Variants in PTPRN2 observed in about 807,000 individuals in gnomAD.
PTPRN2 encodes receptor-type tyrosine-protein phosphatase N2.
A neutral mutation model predicts 118.8 loss-of-function variants in PTPRN2; 74 were observed. The observed-to-expected ratio is 0.62, with a 90% CI of 0.52 to 0.76. The LOEUF (loss-of-function observed/expected upper bound fraction) is 0.76, where lower values mean the gene tolerates loss of function less well. Among genes scored for constraint, PTPRN2 ranks in the 30% least tolerant of loss-of-function variants. PTPRN2 has a pLI of 0.00. For synonymous variants in PTPRN2, 641 were observed against 608.0 expected (o/e 1.05, Z -0.80); for missense variants, 1,481 against 1,394.4 (o/e 1.06, Z -0.99).
chr7:157,844,442 A>T (rs1159940916), intron 12 of PTPRN2, among the ~76,000 whole-genome samples: 23 of 152,174 alleles, frequency 1.5e-4, no homozygotes. Context: ...ACTAGAGCTG[A>T]AATTCGAGGA....
intron 11 of PTPRN2, among the ~76,000 whole-genome samples, chr7:158,009,929 C>T (rs1805917881): frequency 6.6e-6 from 1 of 152,184 alleles, no homozygotes; most frequent in Non-Finnish European, 1.5e-5. Flanking sequence ...CCCATGCCAT[C>T]CTGCCCCACC....
intron 11 of PTPRN2, among the ~76,000 whole-genome samples, chr7:157,904,477 C>T (rs1797648770): frequency 6.6e-6 from 1 of 152,220 alleles, no homozygotes; most frequent in African/African-American, 2.4e-5. Flanking sequence ...GAAACTCCAC[C>T]ATCCTCTGGA....
intron 3 of PTPRN2, among the ~76,000 whole-genome samples, chr7:158,282,457 G>A (rs1196711594): frequency 1.3e-5 from 2 of 152,174 alleles, no homozygotes; most frequent in Admixed American, 6.5e-5. Flanking sequence ...CAGGAGTCTG[G>A]CCTGGCTCAG....
At chr7:157,783,437 A>AACATGCGAAC (rs1803809298) in intron 12 of PTPRN2, among the ~76,000 whole-genome samples, 1 of 150,900 alleles carries the variant, frequency 6.6e-6, no homozygotes, top group Non-Finnish European at 1.5e-5. Context: ...CGCATGTCTG[A>AACATGCGAAC]GCCTGATGTT....
At chr7:157,830,047 C>G (rs1032666122) in intron 12 of PTPRN2, among the ~76,000 whole-genome samples, 4 of 151,834 alleles carry the variant, frequency 2.6e-5, no homozygotes, top group Admixed American at 2.0e-4. Context: ...GTTACCACCC[C>G]CTCCTGCCCC....
chr7:158,347,900 G>C (rs910655960), intron 2 of PTPRN2, among the ~76,000 whole-genome samples: 1 of 152,184 alleles, frequency 6.6e-6, no homozygotes, highest in African/African-American at 2.4e-5. Flanking sequence ...CATGGAGGTT[G>C]TGGCATTTGC....
At chr7:158,307,718 C>G (rs1252498367) in intron 3 of PTPRN2, among the ~76,000 whole-genome samples, 1 of 152,176 alleles carries the variant, frequency 6.6e-6, no homozygotes, top group Non-Finnish European at 1.5e-5. Flanking sequence ...ATGTTATGGA[C>G]TAGATATTTG....
At chr7:158,421,844 T>C (rs1815283058) in intron 2 of PTPRN2, among the ~76,000 whole-genome samples, 1 of 152,230 alleles carries the variant, frequency 6.6e-6, no homozygotes, top group Admixed American at 6.5e-5. Context: ...ATCAATGCCT[T>C]TGGGCATTCT....
At chr7:158,239,421 A>G (rs1264437075) in intron 3 of PTPRN2, among the ~76,000 whole-genome samples, 15 of 152,120 alleles carry the variant, frequency 9.9e-5, no homozygotes, top group Non-Finnish European at 2.9e-5. Context: ...TCCACAAGCC[A>G]ACGCTCCGTA....
intron 12 of PTPRN2, among the ~76,000 whole-genome samples, chr7:157,849,348 C>G (rs939321241): frequency 3.3e-5 from 5 of 152,156 alleles, no homozygotes; most frequent in East Asian, 3.9e-4. Flanking sequence ...CGATTCATGT[C>G]AGACACTACG....
intron 4 of PTPRN2, among the ~76,000 whole-genome samples, chr7:158,202,297 G>T (rs1442354701): frequency 6.6e-6 from 1 of 152,188 alleles, no homozygotes; most frequent in Non-Finnish European, 1.5e-5. Flanking sequence ...AAGACGATGG[G>T]CCACACTGTT....
At position 157,629,087 on chromosome 7, in the gene PTPRN2, C is replaced by G. The variant is rs1379117186; in HGVS notation, c.2197-7578G>C. 1.3e-5 allele frequency among the ~76,000 whole-genome samples: 2 copies of G among 152,128 alleles called. No homozygotes were observed. The highest frequency in any genetic ancestry group is 4.8e-5 in the African/African-American group (2 of 41,418). ...AACATGCTCGCCTTCCTGTTGGCAC[C>G]AGGAGGAAGTGCAGCTGCCACCTCT... On this transcript the variant is annotated intron_variant, in intron 14 of 22. Coordinates refer to ENST00000389418, the MANE Select transcript of PTPRN2 (RefSeq NM_002847.5). The surrounding 1 kb of genome is among the most constrained non-coding windows in gnomAD (Gnocchi z 4.4).
intron 2 of PTPRN2, among the ~76,000 whole-genome samples, chr7:158,347,150 G>A (rs1223269583): frequency 6.6e-6 from 1 of 152,042 alleles, no homozygotes; most frequent in East Asian, 1.9e-4. Context: ...TGTGCTTTGG[G>A]GATCAAATAA....
At chr7:158,338,127 T>A (rs574277428) in intron 2 of PTPRN2, among the ~76,000 whole-genome samples, 2 of 5,548 alleles carry the variant, frequency 3.6e-4, no homozygotes, top group African/African-American at 5.8e-4. Flanking sequence ...ACACCCACAC[T>A]CTCACCATAG....
chr7:158,405,402 A>C (rs1813327053), intron 2 of PTPRN2, among the ~76,000 whole-genome samples: 2 of 152,294 alleles, frequency 1.3e-5, no homozygotes, highest in South Asian at 2.1e-4. Flanking sequence ...CTCCCATTTA[A>C]AACCTCTGAA....
intron 1 of PTPRN2, among the ~76,000 whole-genome samples, chr7:158,512,348 G>A (rs183045975): frequency 7.9e-5 from 12 of 152,344 alleles, no homozygotes; most frequent in Admixed American, 5.2e-4. Context: ...GGTGGCAGGA[G>A]GAAGTTCTCC....
Position 157,901,667 on chromosome 7 carries a change from C to T in PTPRN2, c.1724-2930G>A, listed in dbSNP as rs1035328396. Among the ~76,000 whole-genome samples, 14 of 152,198 alleles carry T rather than the reference C, an allele frequency of 9.2e-5. No homozygotes were observed. In the East Asian group the frequency reaches 2.5e-3, roughly 27 times the overall value. On this transcript the variant is annotated intron_variant, in intron 11 of 22. Transcript: ENST00000389418. The stretch of plus-strand genomic sequence containing the variant: ...CTACTGAGTGGATGCAAACTGTCCC[C>T]TGTGCTGGCACAGTGCTTTGTTTAC...
intron 12 of PTPRN2, among the ~76,000 whole-genome samples, chr7:157,693,307 G>T (rs1051086088): frequency 6.6e-6 from 1 of 152,110 alleles, no homozygotes; most frequent in African/African-American, 2.4e-5. Flanking sequence ...CCCCGCGGGG[G>T]CTGGGAGGGG....
chr7:158,311,098 G>A (rs1801690760), intron 3 of PTPRN2, among the ~76,000 whole-genome samples: 1 of 152,146 alleles, frequency 6.6e-6, no homozygotes, highest in Non-Finnish European at 1.5e-5. Flanking sequence ...CACAGGGAGG[G>A]CGCAAATAGA....
Sources: gnomAD v4.1 joint callset for allele counts (sites outside exome capture counted in the v4.1 genomes callset) on GRCh38, gnomAD v4.1.1 for gene constraint, Gnocchi (gnomAD v3.1) non-coding constraint, MANE v1.5 for transcripts, NCBI Gene and HGNC (gene_info 2026-07-23, HGNC 2026-07-21) for gene names.